ZMYND8: variants seen among roughly 807,000 people sequenced by gnomAD.
ZMYND8 encodes the protein MYND-type zinc finger-containing chromatin reader ZMYND8.
Under a neutral mutation model 140.8 loss-of-function variants are expected in ZMYND8, and 37 were observed. The ratio of observed to expected loss-of-function variants is 0.26; its 90% CI spans 0.20 to 0.35. ZMYND8 has a LOEUF of 0.35. Among genes scored for constraint, ZMYND8 ranks in the 10% least tolerant of loss-of-function variants. The pLI, the probability that ZMYND8 is intolerant of heterozygous loss-of-function variation, is 1.00. For missense variants in ZMYND8, 1,068 were observed against 1,570.0 expected, an observed-to-expected ratio of 0.68 and a Z score of 5.40; for synonymous variants, 592 against 597.1, an observed-to-expected ratio of 0.99 and a Z score of 0.12.
rs565675710 is a variant in ZMYND8 at position 47,268,727 on chromosome 20, G to A, written c.1481-6299C>T. Among the ~76,000 whole-genome samples the A allele has an allele frequency of 3.6e-4, 55 of 150,970 alleles. 1 individual carries two copies. The highest frequency in any genetic ancestry group is 1.2e-3 in the African/African-American group (50 of 41,156). Reference sequence around the variant, plus strand: ...GGGATGCGGAGGTGGCGAGTGAGCCGAGATTACACCACTACACTCCAGCCT... The same window carrying A: ...GGGATGCGGAGGTGGCGAGTGAGCCAAGATTACACCACTACACTCCAGCCT... On this transcript the variant is annotated intron_variant, in intron 11 of 22. Coordinates refer to ENST00000471951, the MANE Select transcript of ZMYND8 (RefSeq NM_001281775.3).
chr20:47,293,068 G>C (rs918752473), intron 5 of ZMYND8, among the ~76,000 whole-genome samples: 1 of 139,536 alleles, frequency 7.2e-6, no homozygotes, highest in African/African-American at 2.6e-5. Flanking sequence ...AAAAAGAAAG[G>C]AAGGAAGGGA....
chr20:47,249,215 T>A (rs1051088345), intron 13 of ZMYND8, 72 bp downstream of exon 13: 3 of 1,534,762 alleles, frequency 2.0e-6, no homozygotes, highest in South Asian at 2.5e-5. Flanking sequence ...CTTGATTTCA[T>A]CCAGGTGGTA....
At chr20:47,300,884 TTGTGTGTGTGTGTGTGTG>T (rs200833449) in intron 3 of ZMYND8, among the ~76,000 whole-genome samples, 13,703 of 130,354 alleles carry the variant, frequency 0.11, 768 homozygotes, top group South Asian at 0.24. Flanking sequence ...ACAACTAATT[TTGTGTGTGTGTGTGTGTG>T]TGTGTGTGTG....
chr20:47,347,730 C>T (rs2082446274), intron 2 of ZMYND8, 126 bp downstream of exon 2: 2 of 923,526 alleles, frequency 2.2e-6, no homozygotes, highest in African/African-American at 3.3e-5. Flanking sequence ...AATCTTATAT[C>T]TGAAAATCCA....
chr20:47,321,980 C>A (rs1601914546), intron 2 of ZMYND8, among the ~76,000 whole-genome samples: 1 of 151,368 alleles, frequency 6.6e-6, no homozygotes, highest in East Asian at 1.9e-4. Flanking sequence ...CCTGTCTCAG[C>A]CTCCCAAGTA....
chr20:47,290,358 G>A lies in ZMYND8; in HGVS notation c.661-84C>T, dbSNP rs536234299. On this transcript the variant is annotated intron_variant, in intron 6 of 22. Coordinates refer to ENST00000471951, the MANE Select transcript of ZMYND8 (RefSeq NM_001281775.3). ...ACTCTTGTGTCCCCACATAATTTTT[G>A]TAGCAGTCATTTGCCAAATCAATTA... 5.5e-6 allele frequency: 7 copies of A among 1,267,390 alleles called. No homozygotes were observed. The South Asian group carries it at 8.1e-5, about 15-fold the overall frequency. 78.5% of individuals were successfully genotyped at this position (1,267,390 alleles called of 1,614,324 possible). A position where few individuals can be genotyped will look rare whatever the true frequency, so the allele number is the denominator to read the frequency against.
At position 47,262,642 on chromosome 20, in the gene ZMYND8, A is replaced by C. The variant is rs544616100; in HGVS notation, c.1481-214T>G. Among the ~76,000 whole-genome samples, 383 of 152,322 alleles carry C rather than the reference A, an allele frequency of 2.5e-3. 1 individual carries two copies. Among genetic ancestry groups the C allele is most frequent in the Non-Finnish European group, 3.8e-3 (258 of 68,032 alleles). On this transcript the variant is annotated intron_variant, in intron 11 of 22. Coordinates refer to ENST00000471951, the MANE Select transcript of ZMYND8 (RefSeq NM_001281775.3). ...CCGGATGTGAAACCGTTAAAGCCAC[A>C]AATGAAGAAGGTCTCCCCAGTTACT...
intron 11 of ZMYND8, among the ~76,000 whole-genome samples, chr20:47,267,781 C>T (rs1216180442): frequency 6.6e-6 from 1 of 152,210 alleles, no homozygotes; most frequent in Non-Finnish European, 1.5e-5. Context: ...CCACAGTGAC[C>T]TGAGGGCCAC....
At position 47,236,470 on chromosome 20, in the gene ZMYND8, G is replaced by C; in HGVS notation, c.2712C>G (p.Ile904Met). The change falls in exon 16 of 23, where the codon ATC becomes ATG. Residue 904 changes from isoleucine to methionine, a missense_variant. Transcript: ENST00000471951. ...EITQSPSTST[I>M]TLVTSTQSSP... The stretch of plus-strand genomic sequence containing the variant: ...ATGACTGTGTGCTGGTCACCAGGGT[G>C]ATGGTGGACGTGGATGGGCTCTGTG... The C allele has an allele frequency of 6.2e-7, 1 of 1,609,238 alleles. No homozygotes were observed. The highest frequency in any genetic ancestry group is 1.3e-5 in the African/African-American group (1 of 74,920).
chr20:47,321,119 G>A (rs1285910756), intron 2 of ZMYND8, among the ~76,000 whole-genome samples: 1 of 152,144 alleles, frequency 6.6e-6, no homozygotes. Flanking sequence ...ATTTAACGAA[G>A]GTATTTATTA....
intron 2 of ZMYND8, among the ~76,000 whole-genome samples, chr20:47,327,379 T>C (rs1356394934): frequency 1.3e-5 from 2 of 150,572 alleles, no homozygotes; most frequent in African/African-American, 2.4e-5. Context: ...ATAGGCCAGG[T>C]GCGGTGGCTC....
At chr20:47,269,982 G>A (rs2075809563) in intron 11 of ZMYND8, among the ~76,000 whole-genome samples, 1 of 152,220 alleles carries the variant, frequency 6.6e-6, no homozygotes, top group Non-Finnish European at 1.5e-5. Flanking sequence ...GGTGCCTCAT[G>A]CCTATTATCC....
intron 1 of ZMYND8, among the ~76,000 whole-genome samples, chr20:47,356,202 A>C (rs948196535): frequency 7.8e-5 from 10 of 128,518 alleles, no homozygotes; most frequent in Non-Finnish European, 1.6e-4. Flanking sequence ...CTTGGAGAGG[A>C]GCCTGTTTGC....
intron 21 of ZMYND8, among the ~76,000 whole-genome samples, chr20:47,215,270 G>C (rs762337823): frequency 1.3e-5 from 2 of 152,146 alleles, no homozygotes; most frequent in Non-Finnish European, 2.9e-5. Flanking sequence ...CTGCTCAGGA[G>C]GCTGAGGCAG....
intron 11 of ZMYND8, among the ~76,000 whole-genome samples, chr20:47,268,476 A>G (rs1336569068): frequency 1.3e-5 from 2 of 151,128 alleles, no homozygotes; most frequent in East Asian, 4.0e-4. Context: ...TGTATTTTTA[A>G]TAGAGACGGT....
chr20:47,349,789 A>T, intron 1 of ZMYND8: 3 of 1,525,544 alleles, frequency 2.0e-6, no homozygotes, highest in Non-Finnish European at 2.6e-6. Flanking sequence ...AGAAAACGCT[A>T]ATCTGTGATC....
chr20:47,340,584 A>C (rs1007503090), intron 2 of ZMYND8, among the ~76,000 whole-genome samples: 1 of 152,092 alleles, frequency 6.6e-6, no homozygotes. Context: ...ACTTGAGATC[A>C]GGAGTTCGAG....
chr20:47,351,813 A>C, intron 1 of ZMYND8: 1 of 985,432 alleles, frequency 1.0e-6, no homozygotes, highest in Non-Finnish European at 1.2e-6. Context: ...AAATGGTAGC[A>C]GTTTGTTCAA....
intron 11 of ZMYND8, 33 bp downstream of exon 11, chr20:47,276,281 G>A (rs745414524): frequency 2.0e-6 from 3 of 1,498,068 alleles, no homozygotes; most frequent in Non-Finnish European, 2.7e-6. Flanking sequence ...GTGTCCAAGG[G>A]GCCTCCTCCC....
Sources: gnomAD v4.1 joint callset for allele counts (sites outside exome capture counted in the v4.1 genomes callset) on GRCh38, gnomAD v4.1.1 for gene constraint, MANE v1.5 for transcripts, NCBI Gene and HGNC (gene_info 2026-07-23, HGNC 2026-07-21) for gene names.